Variants in GRIA1 observed in about 807,000 individuals in gnomAD.
GRIA1 encodes the protein glutamate ionotropic receptor AMPA type subunit 1.
GRIA1 carries 31 observed loss-of-function variants against 99.2 expected under a neutral mutation model. That is an observed-to-expected ratio of 0.31 (90% confidence interval 0.23 to 0.42). The LOEUF (loss-of-function observed/expected upper bound fraction) is 0.42, where lower values mean the gene tolerates loss of function less well. Among genes scored for constraint, GRIA1 ranks in the 10% least tolerant of loss-of-function variants. The probability of loss-of-function intolerance (pLI) is 1.00; values close to 1 mark genes in which losing one functional copy is unlikely to be tolerated. For synonymous variants in GRIA1, 438 were observed against 432.4 expected (o/e 1.01, Z -0.16); for missense variants, 782 against 1,157.5 (o/e 0.68, Z 4.71).
chr5:153,725,355 C>G (rs1366863521), intron 11 of GRIA1, among the ~76,000 whole-genome samples: 1 of 150,226 alleles, frequency 6.7e-6, no homozygotes, highest in Non-Finnish European at 1.5e-5. Context: ...AGCAAAATAA[C>G]CAGCTAACAT....
At chr5:153,681,860 C>G (rs199668570) in intron 7 of GRIA1, among the ~76,000 whole-genome samples, 15 of 151,918 alleles carry the variant, frequency 9.9e-5, no homozygotes, top group Non-Finnish European at 2.1e-4. Context: ...ATAGTGAAAC[C>G]CTGTCTCTAC....
At chr5:153,792,216 A>G (rs1765342725) in intron 13 of GRIA1, among the ~76,000 whole-genome samples, 1 of 152,220 alleles carries the variant, frequency 6.6e-6, no homozygotes, top group Admixed American at 6.5e-5. Flanking sequence ...TCATGAGCCC[A>G]TCAATGTAGG....
At chr5:153,761,780 CA>C (rs1763198081) in intron 11 of GRIA1, among the ~76,000 whole-genome samples, 1 of 152,104 alleles carries the variant, frequency 6.6e-6, no homozygotes, top group Non-Finnish European at 1.5e-5. Flanking sequence ...TGCCCATCAA[CA>C]GATGAATAGA....
At chr5:153,535,931 C>T (rs1758527636) in intron 2 of GRIA1, among the ~76,000 whole-genome samples, 1 of 152,230 alleles carries the variant, frequency 6.6e-6, no homozygotes, top group Non-Finnish European at 1.5e-5. Flanking sequence ...ATACCGACAG[C>T]AGCTCCTAAC....
At chr5:153,789,490 C>T (rs1365492653) in intron 13 of GRIA1, among the ~76,000 whole-genome samples, 4 of 152,196 alleles carry the variant, frequency 2.6e-5, no homozygotes, top group South Asian at 4.1e-4. Flanking sequence ...TAAGGCCAAA[C>T]TTAATTAACA....
chr5:153,511,384 A>G (rs1756059804), intron 2 of GRIA1, among the ~76,000 whole-genome samples: 2 of 152,168 alleles, frequency 1.3e-5, no homozygotes, highest in African/African-American at 4.8e-5. Flanking sequence ...GAAATGTTGA[A>G]TAAGCTCATC....
intron 2 of GRIA1, among the ~76,000 whole-genome samples, chr5:153,515,083 G>T (rs1261808721): frequency 1.3e-5 from 2 of 152,128 alleles, no homozygotes; most frequent in African/African-American, 2.4e-5. Flanking sequence ...GAATTATCAT[G>T]ATTCAACCAA....
intron 13 of GRIA1, among the ~76,000 whole-genome samples, chr5:153,774,738 A>G (rs144982311): frequency 4.2e-3 from 642 of 152,344 alleles, no homozygotes; most frequent in Middle Eastern, 0.01. Context: ...GCTTCAGAAG[A>G]TCAGATAACT....
chr5:153,755,366 T>A (rs115127832), intron 11 of GRIA1: 7 of 152,340 alleles, frequency 4.6e-5, no homozygotes, highest in African/African-American at 1.7e-4. Context: ...TCAAGTGACA[T>A]CAACAAGATG....
chr5:153,765,179 G>A (rs1211787039), intron 12 of GRIA1, among the ~76,000 whole-genome samples: 1 of 152,200 alleles, frequency 6.6e-6, no homozygotes, highest in African/African-American at 2.4e-5. Context: ...GCAGAAGACA[G>A]TGAGCGGAAG....
chr5:153,677,205 G>A (rs754969941), intron 7 of GRIA1, 44 bp downstream of exon 7: 26 of 1,342,084 alleles, frequency 1.9e-5, no homozygotes, highest in Non-Finnish European at 2.3e-5. Flanking sequence ...AGCCTACTGG[G>A]GGATTTCAGC....
At chr5:153,762,117 A>G (rs549423833) in intron 11 of GRIA1, among the ~76,000 whole-genome samples, 3 of 152,322 alleles carry the variant, frequency 2.0e-5, no homozygotes, top group African/African-American at 7.2e-5. Flanking sequence ...TAGGGTGACT[A>G]TATTTAACAA....
chr5:153,568,849 G>A (rs1030329558), intron 2 of GRIA1, among the ~76,000 whole-genome samples: 1 of 152,216 alleles, frequency 6.6e-6, no homozygotes. Flanking sequence ...GACTTTGAAG[G>A]CCTTCTATAT....
intron 2 of GRIA1, among the ~76,000 whole-genome samples, chr5:153,585,836 T>C (rs1483948018): frequency 6.6e-6 from 1 of 152,136 alleles, no homozygotes; most frequent in African/African-American, 2.4e-5. Flanking sequence ...TAAGAGATAG[T>C]GACTATCGCT....
Position 153,811,419 on chromosome 5 carries a change from C to A in GRIA1, c.*194C>A. On this transcript the variant is annotated 3_prime_UTR_variant, in exon 16 of 16. Transcript: ENST00000285900. ...CTGTCCCTTTTCCTTTTTTGATGTTCTTTCACCCTTTTCTGTTTGCTAAGT... is the reference window on the plus strand; with the variant it reads ...CTGTCCCTTTTCCTTTTTTGATGTTATTTCACCCTTTTCTGTTTGCTAAGT... 1 of 560,898 alleles carries A rather than the reference C, an allele frequency of 1.8e-6. No homozygotes were observed. Among genetic ancestry groups the A allele is most frequent in the South Asian group, 2.0e-5 (1 of 48,876 alleles). 34.7% of individuals were successfully genotyped at this position (560,898 alleles called of 1,614,324 possible). A position where few individuals can be genotyped will look rare whatever the true frequency, so the allele number is the denominator to read the frequency against.
chr5:153,596,587 G>C (rs1429712208), intron 2 of GRIA1, among the ~76,000 whole-genome samples: 1 of 152,120 alleles, frequency 6.6e-6, no homozygotes, highest in East Asian at 1.9e-4. Context: ...CAGCACTCCT[G>C]ACTCCAAATC....
intron 2 of GRIA1, among the ~76,000 whole-genome samples, chr5:153,494,652 A>T (rs946391942): frequency 2.6e-5 from 4 of 152,204 alleles, no homozygotes; most frequent in Non-Finnish European, 5.9e-5. Context: ...AACAGAACAA[A>T]GGTGGCCTCA....
intron 2 of GRIA1, among the ~76,000 whole-genome samples, chr5:153,622,931 T>C (rs1767202029): frequency 1.3e-5 from 2 of 152,216 alleles, no homozygotes; most frequent in Non-Finnish European, 2.9e-5. Context: ...CTTATGTAAA[T>C]AGAGGTTTCT....
chr5:153,586,738 C>T (rs1274364200), intron 2 of GRIA1, among the ~76,000 whole-genome samples: 1 of 152,082 alleles, frequency 6.6e-6, no homozygotes, highest in African/African-American at 2.4e-5. Context: ...TCCACCATGC[C>T]AAAGTTGCTT....
Sources: gnomAD v4.1 joint callset for allele counts (sites outside exome capture counted in the v4.1 genomes callset) on GRCh38, gnomAD v4.1.1 for gene constraint, MANE v1.5 for transcripts, NCBI Gene and HGNC (gene_info 2026-07-23, HGNC 2026-07-21) for gene names.